CRACD: variants seen among roughly 807,000 people sequenced by gnomAD.
CRACD encodes the protein capping protein-inhibiting regulator of actin dynamics.
CRACD carries 56 observed loss-of-function variants against 106.8 expected under a neutral mutation model. The ratio of observed to expected loss-of-function variants is 0.52; its 90% confidence interval spans 0.42 to 0.66. The LOEUF is 0.66. CRACD is among the 30% of genes least tolerant of loss of function. The pLI is 0.00. For missense variants in CRACD, 1,730 were observed against 1,623.2 expected (o/e 1.07, Z -1.13); for synonymous variants, 754 against 670.8 (o/e 1.12, Z -1.92).
At chr4:56,319,329 A>T (rs963381071) in intron 8 of CRACD, among the ~76,000 whole-genome samples, 2 of 152,144 alleles carry the variant, frequency 1.3e-5, no homozygotes, top group Non-Finnish European at 2.9e-5. Context: ...TTTTGGCCAG[A>T]CGTGGTGGCT....
At chr4:56,107,567 C>T (rs561599763) in intron 1 of CRACD, among the ~76,000 whole-genome samples, 2 of 152,154 alleles carry the variant, frequency 1.3e-5, no homozygotes, top group African/African-American at 4.8e-5. Flanking sequence ...TTTCCAGGGC[C>T]GGCCACCACT....
chr4:56,307,510 A>C (rs1020173528), intron 4 of CRACD, 25 bp from the exon 5 acceptor site: 22 of 1,612,718 alleles, frequency 1.4e-5, no homozygotes, highest in Non-Finnish European at 1.7e-5. Flanking sequence ...CTGCTTCAGA[A>C]TGTCTTTCTT....
intron 1 of CRACD, among the ~76,000 whole-genome samples, chr4:56,116,446 T>C (rs1403213513): frequency 6.6e-6 from 1 of 152,200 alleles, no homozygotes; most frequent in Non-Finnish European, 1.5e-5. Context: ...CAATGATAGA[T>C]CCTTCTCCTT....
chr4:56,285,916 T>G (rs906891895), intron 3 of CRACD, among the ~76,000 whole-genome samples: 4 of 152,018 alleles, frequency 2.6e-5, no homozygotes, highest in African/African-American at 4.8e-5. Flanking sequence ...AGGTAAGAAC[T>G]AATCCCTAAG....
At chr4:56,200,264 A>G (rs1307884832) in intron 2 of CRACD, among the ~76,000 whole-genome samples, 3 of 152,112 alleles carry the variant, frequency 2.0e-5, no homozygotes, top group Admixed American at 2.0e-4. Flanking sequence ...TTTTAATTAA[A>G]CTAGAACCTC....
At chr4:56,283,182 T>G (rs556941007) in intron 3 of CRACD, among the ~76,000 whole-genome samples, 1 of 152,152 alleles carries the variant, frequency 6.6e-6, no homozygotes, top group African/African-American at 2.4e-5. Context: ...TGTGACAACC[T>G]TTGCTCTCAG....
chr4:56,207,873 C>T (rs1034995281), intron 2 of CRACD, among the ~76,000 whole-genome samples: 2 of 149,280 alleles, frequency 1.3e-5, no homozygotes, highest in Non-Finnish European at 3.0e-5. Context: ...GTCACCCAGA[C>T]TGGAGTGACA....
chr4:56,131,415 T>C (rs1372953039), intron 1 of CRACD, among the ~76,000 whole-genome samples: 1 of 152,194 alleles, frequency 6.6e-6, no homozygotes, highest in Non-Finnish European at 1.5e-5. Flanking sequence ...TGCTTTTTGG[T>C]CAGGTCATCT....
At chr4:56,300,692 T>C (rs1425128888) in intron 4 of CRACD, among the ~76,000 whole-genome samples, 1 of 152,050 alleles carries the variant, frequency 6.6e-6, no homozygotes, top group East Asian at 1.9e-4. Flanking sequence ...TTTTTAGGAG[T>C]TTTTAAAAAA....
rs200340459 is a variant in CRACD, at chr4:56,327,689, T to A, written c.3587T>A (p.Val1196Asp). The change falls in exon 11 of 11, where the codon GTC becomes GAC. Residue 1196 changes from valine to aspartate, a missense_variant. This residue lies in a region of CRACD where 89 missense variants were observed against 89.6 expected (regional missense o/e 0.99). Transcript: ENST00000682029. The stretch of plus-strand genomic sequence containing the variant: ...CCCCCAGCGCCGCTGGTAAAAGAAG[T>A]CACCAAGAGGTTTTCCACCCCGGAT... Reference protein sequence around the residue: ...SAPPAPLVKEVTKRFSTPDAA... With the variant: ...SAPPAPLVKEDTKRFSTPDAA... 1 of 1,614,038 alleles carries A rather than the reference T, an allele frequency of 6.2e-7. No individual in the cohort carries two copies. The highest frequency in any genetic ancestry group is 1.3e-5 in the African/African-American group (1 of 75,000).
rs2109811000 is a variant in CRACD, at chr4:56,328,705, G to A, written c.*901G>A. On this transcript the variant is annotated 3_prime_UTR_variant, in exon 11 of 11. Coordinates refer to ENST00000682029, the MANE Select transcript of CRACD (RefSeq NM_001393381.1). ...ATTCTGGCAAAAACTCTTCAGGTCA[G>A]TTCTGATAGATCCCAAAGGTTAAGA... The A allele has an allele frequency of 5.6e-6, 1 of 179,044 alleles. No homozygotes were observed. Among genetic ancestry groups the A allele is most frequent in the South Asian group, 1.2e-4 (1 of 8,134 alleles). The allele number at this position is 179,044 out of a possible 1,614,324, so 11.1% of individuals were successfully genotyped here.
chr4:56,072,915 T>A (rs2109799402), intron 1 of CRACD, among the ~76,000 whole-genome samples: 1 of 152,346 alleles, frequency 6.6e-6, no homozygotes, highest in South Asian at 2.1e-4. Flanking sequence ...TTCATCCATG[T>A]CCCTGCAAAG....
chr4:56,157,325 G>C (rs866760348), intron 1 of CRACD, among the ~76,000 whole-genome samples: 1 of 152,024 alleles, frequency 6.6e-6, no homozygotes, highest in Non-Finnish European at 1.5e-5. Context: ...AAACTAAAAA[G>C]AAAATCAAAG....
At chr4:56,168,466 T>C (rs969233375) in intron 1 of CRACD, among the ~76,000 whole-genome samples, 2 of 152,034 alleles carry the variant, frequency 1.3e-5, no homozygotes, top group African/African-American at 4.8e-5. Context: ...AATGCTTGCA[T>C]TTATGTCCAT....
chr4:56,066,964 A>G (rs887160814), intron 1 of CRACD, among the ~76,000 whole-genome samples: 2 of 152,196 alleles, frequency 1.3e-5, no homozygotes, highest in African/African-American at 4.8e-5. Context: ...TGGAGAGTAA[A>G]GATCAGAGCC....
At position 56,160,189 on chromosome 4, in the gene CRACD, T is replaced by G. The variant is rs1186274249; in HGVS notation, c.-335-19095T>G. ...CTAAGTCACTCCCATATTTTGATTT[T>G]TTTTTTTTTTTTTGAAGAAGTCTCA... is the stretch of plus-strand genomic sequence containing the variant. On this transcript the variant is annotated intron_variant, in intron 1 of 10. Transcript: ENST00000682029. 1.3e-5 allele frequency among the ~76,000 whole-genome samples: 2 copies of G among 151,078 alleles called. 1 individual carries two copies. Among genetic ancestry groups the G allele is most frequent in the African/African-American group, 4.9e-5 (2 of 41,008 alleles).
chr4:56,084,349 T>C (rs1327247401), intron 1 of CRACD, among the ~76,000 whole-genome samples: 1 of 152,192 alleles, frequency 6.6e-6, no homozygotes, highest in African/African-American at 2.4e-5. Flanking sequence ...TGGATTTTCC[T>C]TAAGAGGATG....
intron 10 of CRACD, among the ~76,000 whole-genome samples, chr4:56,325,622 A>T (rs1450850428): frequency 6.6e-6 from 1 of 152,238 alleles, no homozygotes; most frequent in African/African-American, 2.4e-5. Context: ...ACATTTAGAA[A>T]ATATTCTTTA....
chr4:56,285,263 T>G (rs1446528738), intron 3 of CRACD, among the ~76,000 whole-genome samples: 1 of 152,052 alleles, frequency 6.6e-6, no homozygotes, highest in Non-Finnish European at 1.5e-5. Context: ...AACGTGAGAT[T>G]TGGGTGGGGA....
Sources: allele counts gnomAD v4.1 joint callset (sites outside exome capture counted in the v4.1 genomes callset), GRCh38; gene constraint gnomAD v4.1.1; regional missense constraint gnomAD v4.1.1; transcripts MANE v1.5; gene names NCBI Gene and HGNC (gene_info 2026-07-23, HGNC 2026-07-21).